The following DOCK1 variants were observed in gnomAD, a reference collection of about 807,000 sequenced individuals.
DOCK1 encodes dedicator of cytokinesis 1.
Under a neutral mutation model 262.7 loss-of-function variants are expected in DOCK1, and 138 were observed. That is an observed-to-expected ratio of 0.53 (90% CI 0.46 to 0.61). DOCK1 has a LOEUF of 0.61. Among genes scored for constraint, DOCK1 ranks in the 20% least tolerant of loss-of-function variants. The pLI is 0.00. For missense variants in DOCK1, 1,908 were observed against 2,370.7 expected (o/e 0.80, Z 4.05); for synonymous variants, 866 against 867.4 (o/e 1.00, Z 0.03).
At chr10:127,083,855 C>T (rs938112930) in intron 23 of DOCK1, among the ~76,000 whole-genome samples, 2 of 152,240 alleles carry the variant, frequency 1.3e-5, no homozygotes, top group Non-Finnish European at 2.9e-5. Flanking sequence ...GGCAACCACT[C>T]TACCTTGCTT....
At chr10:126,976,976 C>T (rs1331085412) in intron 2 of DOCK1, among the ~76,000 whole-genome samples, 1 of 152,218 alleles carries the variant, frequency 6.6e-6, no homozygotes, top group Admixed American at 6.5e-5. Flanking sequence ...CTCAAGTGAT[C>T]CACCTGCCTT....
intron 27 of DOCK1, among the ~76,000 whole-genome samples, chr10:127,128,919 A>G (rs544762611): frequency 6.6e-6 from 1 of 152,322 alleles, no homozygotes; most frequent in Admixed American, 6.5e-5. Flanking sequence ...ATCTTGGTGG[A>G]TCCTTTCCAA....
chr10:127,347,008 G>A (rs1418584541), intron 31 of DOCK1, among the ~76,000 whole-genome samples: 4 of 152,238 alleles, frequency 2.6e-5, no homozygotes, highest in African/African-American at 9.6e-5. Context: ...TTCAGGCCAC[G>A]CGGCACACAC....
In DOCK1 at chr10:127,164,117, C is replaced by T. The variant is rs533825496; in HGVS notation, c.2847+36353C>T. 7.8e-4 allele frequency among the ~76,000 whole-genome samples: 116 copies of T among 148,020 alleles called. No homozygotes were observed. The South Asian group carries it at 0.019, about 24-fold the overall frequency. ...AGGGGTCAGCCGGGCTCCCTCTCCT[C>T]TCTTTCTCCCTTGGCCCTTTGTCTT... On this transcript the variant is annotated intron_variant, in intron 27 of 51. Transcript: ENST00000623213.
chr10:127,189,014 T>C (rs1355658164), intron 27 of DOCK1, among the ~76,000 whole-genome samples: 1 of 152,024 alleles, frequency 6.6e-6, no homozygotes, highest in Non-Finnish European at 1.5e-5. Flanking sequence ...GCTCAGGTGG[T>C]CGGCTCCTAG....
At chr10:127,310,022 C>T (rs1590379464) in intron 29 of DOCK1, among the ~76,000 whole-genome samples, 1 of 152,124 alleles carries the variant, frequency 6.6e-6, no homozygotes, top group African/African-American at 2.4e-5. Flanking sequence ...ACTACAAGCA[C>T]GTGCCACCAC....
intron 43 of DOCK1, among the ~76,000 whole-genome samples, chr10:127,412,156 G>A (rs2067893154): frequency 6.6e-6 from 1 of 151,804 alleles, no homozygotes; most frequent in Non-Finnish European, 1.5e-5. Flanking sequence ...TAGAGACGGG[G>A]TTTCACGGTG....
At chr10:127,387,837 T>C (rs1050771296) in intron 38 of DOCK1, among the ~76,000 whole-genome samples, 7 of 146,578 alleles carry the variant, frequency 4.8e-5, no homozygotes, top group Middle Eastern at 3.5e-3. Context: ...CTTCAATAAA[T>C]GATAAATCAA....
At chr10:127,380,281 T>G (rs1480198182) in intron 36 of DOCK1, among the ~76,000 whole-genome samples, 159 bp downstream of exon 36, 1 of 152,080 alleles carries the variant, frequency 6.6e-6, no homozygotes, top group Non-Finnish European at 1.5e-5. Context: ...AGATACATTC[T>G]CAGCTCTTGC....
intron 31 of DOCK1, among the ~76,000 whole-genome samples, chr10:127,349,782 A>G (rs1021483349): frequency 1.3e-4 from 20 of 152,112 alleles, no homozygotes; most frequent in African/African-American, 4.6e-4. Context: ...GGTCTTTGGC[A>G]TTCCGTGGCT....
chr10:127,295,557 G>A (rs1404012230), intron 29 of DOCK1, among the ~76,000 whole-genome samples: 1 of 152,110 alleles, frequency 6.6e-6, no homozygotes, highest in Non-Finnish European at 1.5e-5. Context: ...GTGGTTGTGT[G>A]CACCTGTACT....
chr10:127,119,912 G>A (rs1193878277), intron 25 of DOCK1, among the ~76,000 whole-genome samples: 1 of 152,224 alleles, frequency 6.6e-6, no homozygotes, highest in Admixed American at 6.5e-5. Flanking sequence ...CTTTTATAAA[G>A]ATTAATATTT....
In DOCK1 at chr10:127,438,985, G is replaced by A. The variant is rs562154523; in HGVS notation, c.5061-42G>A. On this transcript the variant is annotated intron_variant, in intron 48 of 51. Coordinates refer to ENST00000623213, the MANE Select transcript of DOCK1 (RefSeq NM_001290223.2). ...TTTACACGTGTCTGTGGGCTGGAAAGCAATTGCTCTCCTATTAAGACGTCA... is the reference window on the plus strand; with the variant it reads ...TTTACACGTGTCTGTGGGCTGGAAAACAATTGCTCTCCTATTAAGACGTCA... 9 of 1,509,968 alleles carry A rather than the reference G, an allele frequency of 6.0e-6. No individual in the cohort carries two copies. The South Asian group carries it at 1.0e-4, about 17-fold the overall frequency. 93.5% of individuals were successfully genotyped at this position (1,509,968 alleles called of 1,614,324 possible).
intron 1 of DOCK1, among the ~76,000 whole-genome samples, chr10:126,967,666 C>G (rs920985929): frequency 6.6e-6 from 1 of 152,128 alleles, no homozygotes; most frequent in Non-Finnish European, 1.5e-5. Flanking sequence ...CCACTGTGTT[C>G]CTCGGCTTGT....
rs534023263 is a variant in DOCK1, at chr10:127,306,014, GTT to G, written c.3045-32975_3045-32974del. 6.0e-3 allele frequency among the ~76,000 whole-genome samples: 784 copies of G among 131,558 alleles called. 7 individuals are homozygous for G. Among genetic ancestry groups the G allele is most frequent in the African/African-American group, 0.02 (696 of 34,782 alleles). 86.3% of individuals were successfully genotyped at this position (131,558 alleles called of 152,430 possible). ...TACGTTTTATGCATTTTTTTTCCTG[GTT>G]TTTTTTTTTTTTTTTTGAGACGGAG... On this transcript the variant is annotated intron_variant, in intron 29 of 51. Transcript: ENST00000623213.
At position 127,439,175 on chromosome 10, in the gene DOCK1, C is replaced by T. The variant is rs772398292; in HGVS notation, c.5209C>T (p.Pro1737Ser). 14 of 1,611,482 alleles carry T rather than the reference C, an allele frequency of 8.7e-6. No individual in the cohort carries two copies. The highest frequency in any genetic ancestry group is 1.2e-5 in the Non-Finnish European group (14 of 1,179,016). Residue 1737 changes from proline (P) to serine (S), a missense_variant, in exon 49 of 52, where the codon CCC becomes TCC. Physicochemically the swap from Pro to Ser is moderately conservative, Grantham distance 74. Around this residue, in one of 9 missense-constraint regions of DOCK1, gnomAD observed 383 missense variants for 420.1 expected, o/e 0.91. Transcript: ENST00000623213. The stretch of plus-strand genomic sequence containing the variant: ...AGAGATATTTGAGAAAGAATTTAAA[C>T]CCACCGACATTTCCCTGCAGCAGTC... ...HQEIFEKEFK[P>S]TDISLQQSEA...
intron 47 of DOCK1, among the ~76,000 whole-genome samples, chr10:127,431,208 C>G (rs1029273603): frequency 6.6e-6 from 1 of 152,174 alleles, no homozygotes; most frequent in Non-Finnish European, 1.5e-5. Context: ...AGTGTCTGGC[C>G]GTGGAGTCCC....
intron 46 of DOCK1, among the ~76,000 whole-genome samples, chr10:127,420,841 C>CA (rs375607791): frequency 0.035 from 4,983 of 143,804 alleles, 294 homozygotes; most frequent in African/African-American, 0.12. Context: ...GTCTAAAAAA[C>CA]AAAAAAAAAA....
At chr10:127,410,736 T>C in intron 42 of DOCK1, 104 bp from the exon 43 acceptor site, 2 of 1,016,760 alleles carry the variant, frequency 2.0e-6, no homozygotes, top group South Asian at 1.6e-5. Flanking sequence ...GTTAGGGACA[T>C]TTTACAGGAG....
Sources: gnomAD v4.1 joint callset for allele counts (sites outside exome capture counted in the v4.1 genomes callset) on GRCh38, gnomAD v4.1.1 for gene constraint, gnomAD v4.1.1 regional missense constraint, MANE v1.5 for transcripts, NCBI Gene and HGNC (gene_info 2026-07-23, HGNC 2026-07-21) for gene names.